FYB2: variants seen among roughly 807,000 people sequenced by gnomAD.
FYB2 encodes the protein FYN-binding protein 2.
Under a neutral mutation model 94.1 loss-of-function variants are expected in FYB2, and 103 were observed. The observed-to-expected ratio is 1.09, with a 90% CI of 0.93 to 1.29. FYB2 has a LOEUF of 1.29. FYB2 is among the 50% of genes most tolerant of loss of function. The pLI is 0.00. For synonymous variants in FYB2, 293 were observed against 287.9 expected (o/e 1.02, Z -0.18); for missense variants, 896 against 841.5 (o/e 1.06, Z -0.80).
intron 1 of FYB2, among the ~76,000 whole-genome samples, chr1:56,800,797 A>T (rs1438220357): frequency 1.3e-5 from 2 of 152,132 alleles, no homozygotes; most frequent in East Asian, 3.9e-4. Flanking sequence ...GACACTGCCT[A>T]CTGCAGACAG....
chr1:56,778,207 C>G (rs1416404882), intron 4 of FYB2, among the ~76,000 whole-genome samples: 1 of 152,174 alleles, frequency 6.6e-6, no homozygotes, highest in Non-Finnish European at 1.5e-5. Flanking sequence ...CCTCTGTCCC[C>G]TTTGGCAAGG....
intron 5 of FYB2, among the ~76,000 whole-genome samples, chr1:56,767,578 G>A (rs1210626446): frequency 6.6e-6 from 1 of 152,082 alleles, no homozygotes; most frequent in South Asian, 2.1e-4. Flanking sequence ...CAGCTGAGTC[G>A]ATTGGTAAAG....
intron 17 of FYB2, among the ~76,000 whole-genome samples, chr1:56,721,903 A>G (rs1222476807): frequency 6.6e-6 from 1 of 151,966 alleles, no homozygotes; most frequent in Non-Finnish European, 1.5e-5. Flanking sequence ...TCATCTTTGT[A>G]CCCCCAGTGC....
intron 4 of FYB2, among the ~76,000 whole-genome samples, chr1:56,775,366 C>T (rs573413306): frequency 6.6e-6 from 1 of 152,222 alleles, no homozygotes; most frequent in East Asian, 1.9e-4. Context: ...TGCCACATAA[C>T]CTTACAAAAT....
chr1:56,791,182 T>G (rs1646255165), intron 2 of FYB2, among the ~76,000 whole-genome samples: 1 of 151,908 alleles, frequency 6.6e-6, no homozygotes, highest in Admixed American at 6.6e-5. Flanking sequence ...TTCAACAAAT[T>G]TTTTTTTAGG....
intron 4 of FYB2, among the ~76,000 whole-genome samples, chr1:56,775,742 G>A (rs574849320): frequency 1.8e-4 from 27 of 152,196 alleles, no homozygotes; most frequent in East Asian, 5.8e-4. Flanking sequence ...AGATCACACC[G>A]TAATGGAAGT....
chr1:56,777,543 G>A lies in FYB2; in HGVS notation c.954-9605C>T, dbSNP rs564224899. ...GAAATGAGATACACCCAGGGAAACA[G>A]AAAATCACAAAAATAGACTGGATAT... On this transcript the variant is annotated intron_variant, in intron 4 of 19. Coordinates refer to ENST00000343433, the MANE Select transcript of FYB2 (RefSeq NM_001004303.5). 5.9e-5 allele frequency among the ~76,000 whole-genome samples: 9 copies of A among 152,226 alleles called. No homozygotes were observed. In the South Asian group the frequency reaches 1.9e-3, roughly 32 times the overall value.
At position 56,731,076 on chromosome 1, in the gene FYB2, AAAAAC is replaced by A. The variant is rs557464368; in HGVS notation, c.1794-4498_1794-4494del. Among the ~76,000 whole-genome samples the A allele has an allele frequency of 9.7e-3, 1,483 of 152,162 alleles. 10 individuals are homozygous for A. The highest frequency in any genetic ancestry group is 0.031 in the Middle Eastern group (9 of 294). On this transcript the variant is annotated intron_variant, in intron 15 of 19. Coordinates refer to ENST00000343433, the MANE Select transcript of FYB2 (RefSeq NM_001004303.5). ...GAGTGACAGAGTGAGACCCTGTTAC[AAAAAC>A]AAAACAAAACAAAACAAAAAAACCC...
chr1:56,729,492 G>A (rs1466486360), intron 15 of FYB2, among the ~76,000 whole-genome samples: 1 of 151,998 alleles, frequency 6.6e-6, no homozygotes, highest in Non-Finnish European at 1.5e-5. Flanking sequence ...ATCTTCAGTG[G>A]ACCCAACACT....
chr1:56,726,841 A>G (rs1041344651), intron 15 of FYB2, among the ~76,000 whole-genome samples: 5 of 152,086 alleles, frequency 3.3e-5, no homozygotes, highest in African/African-American at 7.2e-5. Context: ...TCCTCAGGCC[A>G]TAGTTTGCTG....
chr1:56,805,211 A>G (rs1291790987), intron 1 of FYB2, among the ~76,000 whole-genome samples: 2 of 152,104 alleles, frequency 1.3e-5, no homozygotes, highest in Admixed American at 1.3e-4. Context: ...CCCCACTCGC[A>G]CATGTAGATC....
rs1645019281 is a variant in FYB2, at chr1:56,744,153, C to A, written c.1501G>T (p.Val501Leu). ...YDDVEYSRKE[V>L]PKLNYSSSLA... Reference sequence around the variant, plus strand: ...CTGAAAGACTGGAATGTTACTTACACCTCTTTCCTGGAGTACTCGACATCA... The same window carrying A: ...CTGAAAGACTGGAATGTTACTTACAACTCTTTCCTGGAGTACTCGACATCA... The change falls in exon 10 of 20, where the codon GTA becomes TTA. Residue 501 changes from valine to leucine, a missense_variant and splice_region_variant. By Grantham distance (32) the Val-to-Leu change is conservative. Coordinates refer to ENST00000343433, the MANE Select transcript of FYB2 (RefSeq NM_001004303.5). 2 of 1,612,196 alleles carry A rather than the reference C, an allele frequency of 1.2e-6. No individual in the cohort carries two copies. Among genetic ancestry groups the A allele is most frequent in the Non-Finnish European group, 1.7e-6 (2 of 1,178,818 alleles).
At chr1:56,740,067 C>T (rs1644916289) in intron 13 of FYB2, among the ~76,000 whole-genome samples, 1 of 151,880 alleles carries the variant, frequency 6.6e-6, no homozygotes, top group Non-Finnish European at 1.5e-5. Context: ...AGTGATATGC[C>T]CACAGTTGTA....
intron 11 of FYB2, 76 bp downstream of exon 11, chr1:56,743,950 C>T (rs1645013159): frequency 1.4e-6 from 2 of 1,445,762 alleles, no homozygotes; most frequent in African/African-American, 1.4e-5. Context: ...AATTAAAAGA[C>T]ATCTTATCAC....
intron 15 of FYB2, among the ~76,000 whole-genome samples, chr1:56,730,026 A>T (rs1644670587): frequency 6.6e-6 from 1 of 152,010 alleles, no homozygotes; most frequent in Non-Finnish European, 1.5e-5. Context: ...AGGACACAGC[A>T]AAAACAATAT....
At chr1:56,821,913 G>A (rs538315735), upstream of FYB2, among the ~76,000 whole-genome samples, 2 of 152,146 alleles carry the variant, frequency 1.3e-5, no homozygotes, top group Non-Finnish European at 1.5e-5. Context: ...AAATTTGAAG[G>A]TTGACCTAAG....
chr1:56,758,699 G>A lies in FYB2; in HGVS notation c.1098+17C>T. ...TATTTTACTTTTAGTTACAATGTTG[G>A]TAAGGAGAAACAATACCTTTTGGAG... On this transcript the variant is annotated intron_variant, in intron 6 of 19. Transcript: ENST00000343433. 1 of 1,573,666 alleles carries A rather than the reference G, an allele frequency of 6.4e-7. No homozygotes were observed. The highest frequency in any genetic ancestry group is 8.7e-7 in the Non-Finnish European group (1 of 1,153,722).
intron 1 of FYB2, among the ~76,000 whole-genome samples, chr1:56,806,674 A>G (rs1371980586): frequency 1.3e-5 from 2 of 152,310 alleles, no homozygotes; most frequent in African/African-American, 4.8e-5. Context: ...CCCAAAGCAA[A>G]GTGAAAAACA....
intron 13 of FYB2, 44 bp from the exon 14 acceptor site, chr1:56,738,697 A>T: frequency 6.3e-7 from 1 of 1,589,972 alleles, no homozygotes; most frequent in Non-Finnish European, 8.6e-7. Context: ...GAAAAAAACC[A>T]TGTTTGGAAA....
Sources: allele counts gnomAD v4.1 joint callset (sites outside exome capture counted in the v4.1 genomes callset), GRCh38; gene constraint gnomAD v4.1.1; transcripts MANE v1.5; gene names NCBI Gene and HGNC (gene_info 2026-07-23, HGNC 2026-07-21).